The following AOPEP variants were observed in gnomAD, a reference collection of about 807,000 sequenced individuals.
The protein encoded by AOPEP is aminopeptidase O.
AOPEP carries 77 observed loss-of-function variants against 98.1 expected under a neutral mutation model. The observed-to-expected ratio is 0.78, with a 90% CI of 0.65 to 0.95. AOPEP has a LOEUF of 0.95. Among genes scored for constraint, AOPEP ranks in the 40% least tolerant of loss-of-function variants. The pLI, the probability that AOPEP is intolerant of heterozygous loss-of-function variation, is 0.00. For missense variants in AOPEP, 1,024 were observed against 1,024.7 expected (o/e 1.00, Z 0.01); for synonymous variants, 346 against 365.3 (o/e 0.95, Z 0.60).
chr9:94,993,784 T>G (rs550357555), intron 11 of AOPEP, among the ~76,000 whole-genome samples: 66 of 152,276 alleles, frequency 4.3e-4, no homozygotes, highest in Non-Finnish European at 7.8e-4. Flanking sequence ...ACTTCACAAT[T>G]CAGTTCTTCT....
chr9:94,832,229 A>G (rs986236302), intron 5 of AOPEP, among the ~76,000 whole-genome samples: 2 of 152,260 alleles, frequency 1.3e-5, no homozygotes, highest in African/African-American at 4.8e-5. Flanking sequence ...AGAAAAAACA[A>G]CAGTCATATA....
At chr9:95,025,046 A>G (rs1444763616) in intron 13 of AOPEP, among the ~76,000 whole-genome samples, 5 of 152,346 alleles carry the variant, frequency 3.3e-5, no homozygotes, top group Admixed American at 2.6e-4. Flanking sequence ...ATTTATAAAA[A>G]TCAAATCATT....
chr9:95,111,517 G>A, the AOPEP span: 1 of 1,614,148 alleles, frequency 6.2e-7, no homozygotes, highest in East Asian at 2.2e-5. Context: ...AGAAGGCCAA[G>A]AGCCACAGCA....
chr9:95,054,731 T>C (rs1026194849), intron 13 of AOPEP, among the ~76,000 whole-genome samples: 13 of 152,216 alleles, frequency 8.5e-5, no homozygotes, highest in Middle Eastern at 3.2e-3. Context: ...TAAATATGCT[T>C]TTCTTTGTAT....
At chr9:95,126,691 G>T in the AOPEP span, 1 of 1,106,446 alleles carries the variant, frequency 9.0e-7, no homozygotes, top group Non-Finnish European at 1.4e-6. Context: ...CAGAAAACTG[G>T]CATACTCCTT....
At chr9:95,041,244 A>C (rs1285201547) in intron 13 of AOPEP, among the ~76,000 whole-genome samples, 1 of 152,192 alleles carries the variant, frequency 6.6e-6, no homozygotes, top group Admixed American at 6.5e-5. Context: ...GGCCAAAGAA[A>C]GACTCCTTTG....
At chr9:94,999,005 T>C (rs550784017) in intron 11 of AOPEP, among the ~76,000 whole-genome samples, 1 of 152,040 alleles carries the variant, frequency 6.6e-6, no homozygotes, top group South Asian at 2.1e-4. Context: ...ATAAGTAGAG[T>C]TATAAGTTAA....
intron 5 of AOPEP, among the ~76,000 whole-genome samples, chr9:94,861,275 A>C (rs1371101965): frequency 1.3e-5 from 2 of 152,228 alleles, no homozygotes; most frequent in African/African-American, 2.4e-5. Flanking sequence ...CATGAAATCC[A>C]CTGAGCTTCA....
At chr9:94,958,545 A>G (rs2058618800) in intron 9 of AOPEP, among the ~76,000 whole-genome samples, 1 of 152,218 alleles carries the variant, frequency 6.6e-6, no homozygotes, top group African/African-American at 2.4e-5. Flanking sequence ...CGCACTTGCC[A>G]ACACTTAATG....
the AOPEP span, among the ~76,000 whole-genome samples, chr9:95,141,311 C>CA: frequency 3.4e-3 from 185 of 54,868 alleles, 10 homozygotes; most frequent in African/African-American, 9.0e-3. Context: ...GACCCTGTCT[C>CA]AAAAAAAAAA....
intron 15 of AOPEP, among the ~76,000 whole-genome samples, chr9:95,081,056 C>T (rs2134228314): frequency 6.6e-6 from 1 of 152,326 alleles, no homozygotes; most frequent in South Asian, 2.1e-4. Context: ...ATCTCCAGCA[C>T]CTGCTAGGCC....
the AOPEP span, among the ~76,000 whole-genome samples, chr9:95,143,787 C>T: frequency 1.5e-4 from 23 of 152,134 alleles, no homozygotes; most frequent in African/African-American, 5.3e-4. Flanking sequence ...CTCAGCAGCC[C>T]GCCCAGGAAG....
intron 1 of AOPEP, among the ~76,000 whole-genome samples, chr9:94,735,474 C>T (rs1011593761): frequency 6.6e-5 from 10 of 152,162 alleles, no homozygotes; most frequent in Non-Finnish European, 1.0e-4. Flanking sequence ...CCTGCCTTGG[C>T]CTCCCAAAGT....
chr9:95,064,743 G>C (rs4744433), intron 14 of AOPEP, among the ~76,000 whole-genome samples: 119,297 of 152,156 alleles, frequency 0.78, 48,263 homozygotes, highest in Non-Finnish European at 0.89. Context: ...GAAGTTGTGA[G>C]TCCAGCAACA....
intron 11 of AOPEP, among the ~76,000 whole-genome samples, chr9:94,984,851 T>G (rs968902956): frequency 6.6e-5 from 10 of 152,166 alleles, no homozygotes; most frequent in African/African-American, 2.4e-4. Flanking sequence ...AAATGCGGGG[T>G]AAAGATAGAG....
At chr9:95,009,782 C>G (rs2062355221) in intron 13 of AOPEP, among the ~76,000 whole-genome samples, 2 of 151,880 alleles carry the variant, frequency 1.3e-5, no homozygotes, top group South Asian at 4.1e-4. Flanking sequence ...ACTCAGTGTT[C>G]CAATTGTTAA....
At chr9:94,902,739 A>C (rs780369072) in intron 5 of AOPEP, among the ~76,000 whole-genome samples, 4 of 152,034 alleles carry the variant, frequency 2.6e-5, no homozygotes, top group Admixed American at 6.5e-5. Context: ...ATTTGAAAGA[A>C]AATTTAAAGC....
At chr9:94,759,223 G>A (rs554107985) in intron 1 of AOPEP, among the ~76,000 whole-genome samples, 1 of 152,038 alleles carries the variant, frequency 6.6e-6, no homozygotes, top group Non-Finnish European at 1.5e-5. Context: ...AAATGTGTGG[G>A]GCCATTTAGC....
intron 10 of AOPEP, among the ~76,000 whole-genome samples, chr9:94,973,226 T>C (rs1414365647): frequency 2.0e-5 from 3 of 152,192 alleles, no homozygotes; most frequent in Non-Finnish European, 1.5e-5. Context: ...CTTTAGGATC[T>C]CAAGAGCTGA....
Sources: allele counts gnomAD v4.1 joint callset (sites outside exome capture counted in the v4.1 genomes callset), GRCh38; gene constraint gnomAD v4.1.1; transcripts MANE v1.5; gene names NCBI Gene and HGNC (gene_info 2026-07-23, HGNC 2026-07-21).